The following SCD5 variants were observed in gnomAD, a reference collection of about 807,000 sequenced individuals.
SCD5 encodes the protein acyl-CoA-desaturase 4.
A neutral mutation model predicts 30.4 loss-of-function variants in SCD5; 20 were observed. The observed-to-expected ratio is 0.66, with a 90% CI of 0.46 to 0.96. SCD5 has a LOEUF of 0.96. Ranked by LOEUF, SCD5 falls within the 40% of genes least tolerant of loss-of-function variation. SCD5 has a pLI of 0.00. For synonymous variants in SCD5, 173 were observed against 176.4 expected, an observed-to-expected ratio of 0.98 and a Z score of 0.16; for missense variants, 381 against 443.3, an observed-to-expected ratio of 0.86 and a Z score of 1.26.
At chr4:82,652,882 G>C (rs1484250562) in intron 3 of SCD5, among the ~76,000 whole-genome samples, 1 of 152,190 alleles carries the variant, frequency 6.6e-6, no homozygotes, top group East Asian at 1.9e-4. Context: ...GTTGGGTGTG[G>C]TGGCTCACAC....
At chr4:82,741,487 G>A (rs1364742174) in intron 1 of SCD5, among the ~76,000 whole-genome samples, 1 of 152,178 alleles carries the variant, frequency 6.6e-6, no homozygotes, top group African/African-American at 2.4e-5. Context: ...AGCTGTGTGA[G>A]TGACGGCAGC....
intron 1 of SCD5, among the ~76,000 whole-genome samples, chr4:82,709,204 C>A (rs1720029480): frequency 6.6e-6 from 1 of 152,136 alleles, no homozygotes; most frequent in African/African-American, 2.4e-5. Flanking sequence ...AGCTGAAAGT[C>A]AAAATTCTGG....
chr4:82,650,553 A>C (rs1727730518), intron 3 of SCD5, among the ~76,000 whole-genome samples: 1 of 152,186 alleles, frequency 6.6e-6, no homozygotes, highest in Non-Finnish European at 1.5e-5. Context: ...AAAATTAGCC[A>C]GGCATTGTGG....
intron 1 of SCD5, among the ~76,000 whole-genome samples, chr4:82,737,748 G>T (rs182446289): frequency 3.9e-5 from 6 of 152,292 alleles, no homozygotes; most frequent in African/African-American, 1.2e-4. Context: ...TATTAAGGCA[G>T]AGTTTCATGT....
rs756366132 is a variant in SCD5 at position 82,680,914 on chromosome 4, T to G, written c.364-2A>C. The G allele has an allele frequency of 6.2e-7, 1 of 1,610,986 alleles. No homozygotes were observed. Among genetic ancestry groups the G allele is most frequent in the Admixed American group, 1.7e-5 (1 of 59,984 alleles). On this transcript the variant is annotated splice_acceptor_variant, in intron 2 of 4. Transcript: ENST00000319540. LOFTEE classifies it high-confidence loss of function. ...CCTGGACCACTCGAAGATGTCATTC[T>G]GCAGAGAGAATGAGAGCCTGAGTGA... is the stretch of plus-strand genomic sequence containing the variant.
chr4:82,699,078 C>T (rs1446119455), intron 2 of SCD5, among the ~76,000 whole-genome samples: 2 of 152,128 alleles, frequency 1.3e-5, no homozygotes, highest in Non-Finnish European at 2.9e-5. Flanking sequence ...ACCCCCGGGC[C>T]ACGGACTGGT....
intron 1 of SCD5, among the ~76,000 whole-genome samples, chr4:82,761,949 G>C (rs1721381169): frequency 1.3e-5 from 2 of 151,986 alleles, no homozygotes; most frequent in Admixed American, 6.6e-5. Flanking sequence ...AAGGAGGGCA[G>C]ACTGCTTGAG....
intron 2 of SCD5, among the ~76,000 whole-genome samples, chr4:82,700,396 A>G (rs1221156811): frequency 6.6e-6 from 1 of 152,132 alleles, no homozygotes; most frequent in Non-Finnish European, 1.5e-5. Context: ...GTATCATCAT[A>G]TTCAAACTGC....
At chr4:82,650,616 G>A (rs1727732052) in intron 3 of SCD5, among the ~76,000 whole-genome samples, 1 of 152,024 alleles carries the variant, frequency 6.6e-6, no homozygotes, top group South Asian at 2.1e-4. Flanking sequence ...GATCACCCGA[G>A]CCTGGGGAGG....
At chr4:82,796,911 G>A (rs1722235805) in intron 1 of SCD5, among the ~76,000 whole-genome samples, 1 of 152,178 alleles carries the variant, frequency 6.6e-6, no homozygotes. Context: ...AAATGAGGAG[G>A]TGCACTGAGA....
chr4:82,700,721 A>G (rs1316284856), intron 2 of SCD5, among the ~76,000 whole-genome samples: 1 of 143,694 alleles, frequency 7.0e-6, no homozygotes, highest in Non-Finnish European at 1.5e-5. Flanking sequence ...CAGGAGTTCA[A>G]GGCTGCAGTG....
chr4:82,724,023 C>T (rs1320999109), intron 1 of SCD5, among the ~76,000 whole-genome samples: 1 of 152,078 alleles, frequency 6.6e-6, no homozygotes, highest in East Asian at 1.9e-4. Context: ...TAAATGGCCA[C>T]AACATCTGCA....
At chr4:82,750,075 T>C (rs1425199225) in intron 1 of SCD5, among the ~76,000 whole-genome samples, 3 of 152,264 alleles carry the variant, frequency 2.0e-5, no homozygotes, top group Non-Finnish European at 4.4e-5. Context: ...GAGGATTTAC[T>C]GTGAACAATT....
intron 1 of SCD5, among the ~76,000 whole-genome samples, chr4:82,712,983 G>T (rs1720143010): frequency 6.6e-6 from 1 of 152,146 alleles, no homozygotes; most frequent in Non-Finnish European, 1.5e-5. Flanking sequence ...GAAGCAAAGG[G>T]TTTCTTCTTA....
chr4:82,763,023 G>A (rs1196711541), intron 1 of SCD5, among the ~76,000 whole-genome samples: 1 of 152,108 alleles, frequency 6.6e-6, no homozygotes, highest in African/African-American at 2.4e-5. Flanking sequence ...AGGTCAGAGA[G>A]GCACAGCCTG....
At chr4:82,741,863 G>A (rs1256897463) in intron 1 of SCD5, among the ~76,000 whole-genome samples, 1 of 127,674 alleles carries the variant, frequency 7.8e-6, no homozygotes, top group Non-Finnish European at 1.7e-5. Context: ...CGGGGGGGGG[G>A]AGTGGGCAGA....
intron 1 of SCD5, among the ~76,000 whole-genome samples, chr4:82,785,417 C>G (rs766599664): frequency 2.0e-4 from 31 of 152,178 alleles, no homozygotes; most frequent in Non-Finnish European, 3.1e-4. Context: ...TACTAACCAC[C>G]CTTTATCAAT....
intron 1 of SCD5, among the ~76,000 whole-genome samples, chr4:82,731,197 C>T (rs553424113): frequency 6.4e-4 from 98 of 152,298 alleles, no homozygotes; most frequent in African/African-American, 2.4e-3. Flanking sequence ...TCCCTGGTGA[C>T]TTCTCCTGGT....
At chr4:82,711,950 T>C (rs990195077) in intron 1 of SCD5, among the ~76,000 whole-genome samples, 1 of 151,878 alleles carries the variant, frequency 6.6e-6, no homozygotes, top group Non-Finnish European at 1.5e-5. Context: ...GTGAGATCAA[T>C]AGTATCACTG....
Sources: gnomAD v4.1 joint callset for allele counts (sites outside exome capture counted in the v4.1 genomes callset) on GRCh38, gnomAD v4.1.1 for gene constraint, MANE v1.5 for transcripts, NCBI Gene and HGNC (gene_info 2026-07-23, HGNC 2026-07-21) for gene names.